Variants in SLC22A4 observed in about 807,000 individuals in gnomAD.
SLC22A4 encodes the protein ET transporter.
Under a neutral mutation model 56.6 loss-of-function variants are expected in SLC22A4, and 39 were observed. The ratio of observed to expected loss-of-function variants is 0.69; its 90% confidence interval spans 0.53 to 0.90. The LOEUF is 0.90. Ranked by LOEUF, SLC22A4 falls within the 40% of genes least tolerant of loss-of-function variation. The probability of loss-of-function intolerance (pLI) is 0.00; values close to 1 mark genes in which losing one functional copy is unlikely to be tolerated. For synonymous variants in SLC22A4, 241 were observed against 281.4 expected (o/e 0.86, Z 1.44); for missense variants, 594 against 696.5 (o/e 0.85, Z 1.66).
Position 132,294,954 on chromosome 5 carries a change from G to A in SLC22A4, c.338G>A (p.Cys113Tyr), listed in dbSNP as rs768484124. 23 of 1,605,568 alleles carry A rather than the reference G, an allele frequency of 1.4e-5. No individual in the cohort carries two copies. Among genetic ancestry groups the A allele is most frequent in the Middle Eastern group, 1.6e-4 (1 of 6,072 alleles). ...CTGGGGCAGCTGGAGCAGGAGAGCT[G>A]CCTGGATGGCTGGGAGTTCAGCCAG... The part of the protein sequence containing the change: ...VDLGQLEQES[C>Y]LDGWEFSQDV... Residue 113 changes from cysteine to tyrosine, a missense_variant, in exon 1 of 10, where the codon TGC becomes TAC. Coordinates refer to ENST00000200652, the MANE Select transcript of SLC22A4 (RefSeq NM_003059.3). The surrounding 1 kb of genome is among the most constrained non-coding windows in gnomAD (Gnocchi z 5.6).
Position 132,341,746 on chromosome 5 carries a change from G to C in SLC22A4, c.1580+1046G>C, listed in dbSNP as rs150508391. On this transcript the variant is annotated intron_variant, in intron 9 of 9. Transcript: ENST00000200652. Reference sequence around the variant, plus strand: ...GCAGATTGCTTGAGGTCAGGAGTTCGAGAACAGTCTGTCCAACATGGTGAA... The same window carrying C: ...GCAGATTGCTTGAGGTCAGGAGTTCCAGAACAGTCTGTCCAACATGGTGAA... Among the ~76,000 whole-genome samples, 746 of 152,082 alleles carry C rather than the reference G, an allele frequency of 4.9e-3. 3 individuals are homozygous for C. The highest frequency in any genetic ancestry group is 0.015 in the African/African-American group (640 of 41,464).
intron 9 of SLC22A4, among the ~76,000 whole-genome samples, chr5:132,342,739 A>T (rs432941): frequency 5.3e-5 from 8 of 152,240 alleles, no homozygotes; most frequent in Non-Finnish European, 7.3e-5. Context: ...AAAGGATACA[A>T]ATGAACAGCC....
At chr5:132,318,535 T>C (rs920606714) in intron 3 of SLC22A4, among the ~76,000 whole-genome samples, 7 of 152,130 alleles carry the variant, frequency 4.6e-5, no homozygotes, top group Non-Finnish European at 7.4e-5. Context: ...TGAGAGCCTA[T>C]GTTGGTCATT....
intron 1 of SLC22A4, among the ~76,000 whole-genome samples, chr5:132,296,561 G>A (rs1580816317): frequency 6.6e-6 from 1 of 152,328 alleles, no homozygotes; most frequent in East Asian, 1.9e-4. Flanking sequence ...CTCAGCCCAG[G>A]GACTGCCTTT....
rs767158433 is a variant in SLC22A4 at position 132,322,227 on chromosome 5, A to G, written c.696A>G (p.Thr232=). Residue 232 remains threonine, a synonymous_variant, in exon 4 of 10, where the codon ACA becomes ACG. Transcript: ENST00000200652. ...AGTCAGTTCGTATTATATTCTCTAC[A>G]TTAGGAGTGTGCACATTTTTTGCAG... The part of the protein sequence containing the change: ...LGKSVRIIFS[T]LGVCTFFAVG... The G allele has an allele frequency of 1.2e-6, 2 of 1,613,924 alleles. No homozygotes were observed. Among genetic ancestry groups the G allele is most frequent in the Admixed American group, 3.3e-5 (2 of 60,020 alleles).
At chr5:132,312,488 G>T (rs1750210457) in intron 2 of SLC22A4, among the ~76,000 whole-genome samples, 1 of 152,128 alleles carries the variant, frequency 6.6e-6, no homozygotes, top group Non-Finnish European at 1.5e-5. Context: ...TGCTCCCAGG[G>T]CTTTGGCCAG....
intron 1 of SLC22A4, among the ~76,000 whole-genome samples, chr5:132,307,769 C>CTT (rs775541327): frequency 2.0e-4 from 30 of 152,278 alleles, no homozygotes; most frequent in Middle Eastern, 3.4e-3. Flanking sequence ...CCCGAGAAAG[C>CTT]CTGTGTTCTT....
intron 8 of SLC22A4, among the ~76,000 whole-genome samples, chr5:132,337,902 AT>A (rs34031485): frequency 8.7e-4 from 126 of 144,752 alleles, no homozygotes; most frequent in Middle Eastern, 3.5e-3. Flanking sequence ...TGTCCGGCTA[AT>A]TTTTTTTTTT....
In SLC22A4 at chr5:132,294,484, C is replaced by A; in HGVS notation, c.-133C>A. ...CCCAGGAACGGTCCCCGGCTTCGCG[C>A]CCCAATTTCTAACAGCCTGCCTGTC... On this transcript the variant is annotated 5_prime_UTR_variant, in exon 1 of 10. Coordinates refer to ENST00000200652, the MANE Select transcript of SLC22A4 (RefSeq NM_003059.3). The surrounding 1 kb of genome is among the most constrained non-coding windows in gnomAD (Gnocchi z 5.6). The A allele has an allele frequency of 7.7e-7, 1 of 1,303,942 alleles. No homozygotes were observed. The highest frequency in any genetic ancestry group is 1.1e-6 in the Non-Finnish European group (1 of 932,780). The allele number at this position is 1,303,942 out of a possible 1,614,324, so 80.8% of individuals were successfully genotyped here. A position where few individuals can be genotyped will look rare whatever the true frequency, so the allele number is the denominator to read the frequency against.
At chr5:132,304,089 AAAACAAAC>A (rs746983023) in intron 1 of SLC22A4, among the ~76,000 whole-genome samples, 2 of 152,346 alleles carry the variant, frequency 1.3e-5, no homozygotes, top group Admixed American at 6.5e-5. Context: ...GAAAAAACAG[AAAACAAAC>A]AAACAAACAA....
chr5:132,322,807 A>C (rs897038323), intron 4 of SLC22A4, among the ~76,000 whole-genome samples: 17 of 152,338 alleles, frequency 1.1e-4, no homozygotes, highest in African/African-American at 4.1e-4. Flanking sequence ...GTGCCTATTT[A>C]TCTGCTATGT....
chr5:132,336,746 G>A (rs971783844), intron 8 of SLC22A4, among the ~76,000 whole-genome samples: 1 of 152,060 alleles, frequency 6.6e-6, no homozygotes, highest in Non-Finnish European at 1.5e-5. Context: ...ATTCACAGAA[G>A]TAAAATTCCT....
At chr5:132,338,289 G>A (rs1035210144) in intron 8 of SLC22A4, among the ~76,000 whole-genome samples, 12 of 152,120 alleles carry the variant, frequency 7.9e-5, no homozygotes, top group South Asian at 2.1e-4. Flanking sequence ...GGGAGTGTAC[G>A]AATAGGGTGT....
chr5:132,309,348 C>T (rs962855445), intron 1 of SLC22A4, among the ~76,000 whole-genome samples: 1 of 152,236 alleles, frequency 6.6e-6, no homozygotes, highest in Non-Finnish European at 1.5e-5. Flanking sequence ...GCTGCCTTCC[C>T]CTGCTGGTTG....
At chr5:132,335,086 C>T (rs148740014) in intron 7 of SLC22A4, among the ~76,000 whole-genome samples, 154 bp downstream of exon 7, 3 of 152,282 alleles carry the variant, frequency 2.0e-5, no homozygotes, top group African/African-American at 7.2e-5. Context: ...TATGTTGTTT[C>T]CTGTGTTCAA....
intron 1 of SLC22A4, among the ~76,000 whole-genome samples, chr5:132,296,720 C>T (rs1248093344): frequency 1.3e-5 from 2 of 152,236 alleles, no homozygotes; most frequent in Non-Finnish European, 2.9e-5. Context: ...GCCAGCTCAT[C>T]CCGCGTCGAT....
chr5:132,313,542 C>A, intron 2 of SLC22A4, 72 bp from the exon 3 acceptor site: 3 of 1,381,476 alleles, frequency 2.2e-6, no homozygotes, highest in Non-Finnish European at 3.1e-6. Context: ...TGCATTGATG[C>A]CTGACTCAGG....
At chr5:132,314,431 G>T (rs1002401599) in intron 3 of SLC22A4, among the ~76,000 whole-genome samples, 1 of 152,204 alleles carries the variant, frequency 6.6e-6, no homozygotes, top group African/African-American at 2.4e-5. Flanking sequence ...AGCTCCAGGC[G>T]AGTTGATGAG....
chr5:132,327,158 C>G, intron 4 of SLC22A4, 119 bp from the exon 5 acceptor site: 1 of 756,668 alleles, frequency 1.3e-6, no homozygotes, highest in Admixed American at 2.8e-5. Flanking sequence ...TATGTGGACT[C>G]CCTTTAAAAA....
Sources: allele counts gnomAD v4.1 joint callset (sites outside exome capture counted in the v4.1 genomes callset), GRCh38; gene constraint gnomAD v4.1.1; non-coding constraint Gnocchi (gnomAD v3.1); transcripts MANE v1.5; gene names NCBI Gene and HGNC (gene_info 2026-07-23, HGNC 2026-07-21).